The following PODXL2 variants were observed in gnomAD, a reference collection of about 807,000 sequenced individuals.
PODXL2 encodes podocalyxin like 2, also known as podocalyxin-like protein 2.
In PODXL2, 17 loss-of-function variants were observed where a neutral mutation model predicts 53.4. The observed-to-expected ratio is 0.32, with a 90% CI of 0.22 to 0.48. The LOEUF (loss-of-function observed/expected upper bound fraction) is 0.48, where lower values mean the gene tolerates loss of function less well. PODXL2 is among the 20% of genes least tolerant of loss of function. The pLI is 0.99. For synonymous variants in PODXL2, 311 were observed against 306.7 expected (o/e 1.01, Z -0.15); for missense variants, 673 against 760.0 (o/e 0.89, Z 1.35).
intron 7 of PODXL2, 68 bp from the exon 8 acceptor site, chr3:127,672,200 C>G (rs926839912): frequency 2.2e-6 from 3 of 1,371,832 alleles, no homozygotes; most frequent in Non-Finnish European, 3.0e-6. Context: ...GTTGCACAGA[C>G]GGCCGCGGGC....
Position 127,672,621 on chromosome 3 carries a change from T to G in PODXL2, c.*141T>G. On this transcript the variant is annotated 3_prime_UTR_variant, in exon 8 of 8. Coordinates refer to ENST00000342480, the MANE Select transcript of PODXL2 (RefSeq NM_015720.4). ...GCCCTCGGCGCGGGCTCCTTCCCGC[T>G]TCCCCCGACTTCACACGGCGGCTTC... The G allele has an allele frequency of 5.7e-6, 3 of 523,444 alleles. No individual in the cohort carries two copies. Among genetic ancestry groups the G allele is most frequent in the Non-Finnish European group, 9.6e-6 (3 of 311,368 alleles). The allele number at this position is 523,444 out of a possible 1,614,324, so 32.4% of individuals were successfully genotyped here. A position where few individuals can be genotyped will look rare whatever the true frequency, so the allele number is the denominator to read the frequency against.
intron 2 of PODXL2, among the ~76,000 whole-genome samples, chr3:127,658,063 T>C (rs528574897): frequency 6.6e-6 from 1 of 152,352 alleles, no homozygotes; most frequent in African/African-American, 2.4e-5. Context: ...TTGTTCTTTC[T>C]TTCTTATTTA....
chr3:127,669,953 G>T (rs538890805), intron 6 of PODXL2, among the ~76,000 whole-genome samples: 1 of 152,234 alleles, frequency 6.6e-6, no homozygotes, highest in Non-Finnish European at 1.5e-5. Flanking sequence ...TCACTGTAGA[G>T]TCCAGTGCCC....
chr3:127,657,929 A>G (rs2074736301), intron 2 of PODXL2, among the ~76,000 whole-genome samples: 1 of 152,230 alleles, frequency 6.6e-6, no homozygotes, highest in Admixed American at 6.5e-5. Flanking sequence ...GATATTAACA[A>G]GAAACTTTTC....
At chr3:127,635,501 G>T (rs2074572121) in intron 1 of PODXL2, among the ~76,000 whole-genome samples, 1 of 152,208 alleles carries the variant, frequency 6.6e-6, no homozygotes, top group African/African-American at 2.4e-5. Context: ...ACACTACTCT[G>T]ATCCAAAAGG....
chr3:127,630,810 C>T (rs568087070), intron 1 of PODXL2, among the ~76,000 whole-genome samples: 1 of 152,330 alleles, frequency 6.6e-6, no homozygotes, highest in South Asian at 2.1e-4. Context: ...TATTCTTTCA[C>T]GCCGTAAATC....
intron 1 of PODXL2, among the ~76,000 whole-genome samples, chr3:127,638,541 C>A (rs1021261470): frequency 4.6e-5 from 7 of 152,224 alleles, no homozygotes; most frequent in African/African-American, 1.7e-4. Context: ...ATGGCGAAAC[C>A]CTGTCTGTAC....
intron 1 of PODXL2, among the ~76,000 whole-genome samples, chr3:127,632,301 C>T (rs893917361): frequency 6.6e-6 from 1 of 152,212 alleles, no homozygotes; most frequent in Non-Finnish European, 1.5e-5. Flanking sequence ...CTCTCCCTGC[C>T]ATGCCACAGT....
chr3:127,669,224 C>T (rs1425379425), intron 6 of PODXL2, 22 bp downstream of exon 6: 4 of 1,546,694 alleles, frequency 2.6e-6, no homozygotes, highest in Admixed American at 1.7e-5. Flanking sequence ...GGGACCTGGA[C>T]CTGTTAGCTT....
At chr3:127,655,897 T>C (rs2074720705) in intron 2 of PODXL2, among the ~76,000 whole-genome samples, 1 of 152,248 alleles carries the variant, frequency 6.6e-6, no homozygotes, top group African/African-American at 2.4e-5. Context: ...AGTCAGAGGC[T>C]GACCCTGGAA....
chr3:127,639,133 C>T, intron 1 of PODXL2, 112 bp from the exon 2 acceptor site: 2 of 1,121,578 alleles, frequency 1.8e-6, no homozygotes, highest in Non-Finnish European at 2.5e-6. Flanking sequence ...GGAGTGTCCA[C>T]TGAAGTCCCC....
chr3:127,654,015 T>A (rs2074705854), intron 2 of PODXL2, among the ~76,000 whole-genome samples: 1 of 152,240 alleles, frequency 6.6e-6, no homozygotes, highest in African/African-American at 2.4e-5. Flanking sequence ...CTTCTGTAAT[T>A]ACAAACTTTA....
Position 127,659,281 on chromosome 3 carries a change from C to T in PODXL2, c.350-1097C>T, listed in dbSNP as rs182888993. Among the ~76,000 whole-genome samples, 200 of 152,208 alleles carry T rather than the reference C, an allele frequency of 1.3e-3. 2 individuals are homozygous for T. The highest frequency in any genetic ancestry group is 4.6e-3 in the African/African-American group (193 of 41,530). ...CTGCCTCCTCCCCTGCTATTTTTTC[C>T]TATGTTTATTTTGGCTGAGGGGTTA... On this transcript the variant is annotated intron_variant, in intron 2 of 7. Transcript: ENST00000342480.
At chr3:127,649,707 C>T (rs577427029) in intron 2 of PODXL2, among the ~76,000 whole-genome samples, 15 of 152,304 alleles carry the variant, frequency 9.8e-5, no homozygotes, top group African/African-American at 3.6e-4. Context: ...GAAGCCGAGG[C>T]GGGTGGATCA....
At chr3:127,642,276 C>T (rs1258795726) in intron 2 of PODXL2, among the ~76,000 whole-genome samples, 12 of 137,474 alleles carry the variant, frequency 8.7e-5, no homozygotes, top group African/African-American at 1.7e-4. Context: ...GGGGACAGAG[C>T]GAGACTCCAT....
intron 4 of PODXL2, among the ~76,000 whole-genome samples, chr3:127,666,523 T>C (rs1246220434): frequency 6.6e-6 from 1 of 152,186 alleles, no homozygotes; most frequent in East Asian, 1.9e-4. Context: ...TCCTCCCACC[T>C]CAGCCTCCCA....
At chr3:127,669,324 C>T in intron 6 of PODXL2, 122 bp downstream of exon 6, 3 of 680,454 alleles carry the variant, frequency 4.4e-6, no homozygotes, top group South Asian at 1.9e-5. Flanking sequence ...AGAGCGTGCT[C>T]TGGGCAGGTT....
At chr3:127,651,126 T>C (rs774513261) in intron 2 of PODXL2, among the ~76,000 whole-genome samples, 4 of 152,118 alleles carry the variant, frequency 2.6e-5, no homozygotes, top group Non-Finnish European at 4.4e-5. Context: ...TAGCCAGATG[T>C]GGTTGCGGGC....
In PODXL2 at chr3:127,672,208, G is replaced by A. The variant is rs2074851588; in HGVS notation, c.1606-60G>A. The A allele has an allele frequency of 2.1e-6, 3 of 1,432,264 alleles. No individual in the cohort carries two copies. The Admixed American group carries it at 5.9e-5, about 28-fold the overall frequency. 88.7% of individuals were successfully genotyped at this position (1,432,264 alleles called of 1,614,324 possible). On this transcript the variant is annotated intron_variant, in intron 7 of 7. Transcript: ENST00000342480. ...GGGTGGGGTTGCACAGACGGCCGCGGGCCTGGCGCTGTCCGGGGGCTGGCT... is the reference window on the plus strand; with the variant it reads ...GGGTGGGGTTGCACAGACGGCCGCGAGCCTGGCGCTGTCCGGGGGCTGGCT...
Sources: gnomAD v4.1 joint callset for allele counts (sites outside exome capture counted in the v4.1 genomes callset) on GRCh38, gnomAD v4.1.1 for gene constraint, MANE v1.5 for transcripts, NCBI Gene and HGNC (gene_info 2026-07-23, HGNC 2026-07-21) for gene names.